CNTLN: variants seen among roughly 807,000 people sequenced by gnomAD.
CNTLN encodes the protein centlein, centrosomal protein.
Under a neutral mutation model 180.0 loss-of-function variants are expected in CNTLN, and 212 were observed. That is an observed-to-expected ratio of 1.18 (90% CI 1.05 to 1.32). CNTLN has a LOEUF of 1.32. Ranked by LOEUF, CNTLN falls within the 40% of genes most tolerant of loss-of-function variation. The probability of loss-of-function intolerance (pLI) is 0.00; values close to 1 mark genes in which losing one functional copy is unlikely to be tolerated. For synonymous variants in CNTLN, 722 were observed against 563.1 expected, an observed-to-expected ratio of 1.28 and a Z score of -3.99; for missense variants, 2,095 against 1,610.9, an observed-to-expected ratio of 1.30 and a Z score of -5.14.
chr9:17,228,839 CA>C (rs1824639020), intron 3 of CNTLN, among the ~76,000 whole-genome samples: 4 of 152,000 alleles, frequency 2.6e-5, no homozygotes, highest in African/African-American at 9.7e-5. Flanking sequence ...TTAGAGAAAC[CA>C]GGAGAACAGT....
chr9:17,342,002 G>T (rs960177836), intron 11 of CNTLN, among the ~76,000 whole-genome samples: 1 of 152,086 alleles, frequency 6.6e-6, no homozygotes, highest in African/African-American at 2.4e-5. Flanking sequence ...GTTGCATATA[G>T]ATTTTTTTGT....
At chr9:17,144,809 A>G (rs918685708) in intron 2 of CNTLN, among the ~76,000 whole-genome samples, 1 of 150,708 alleles carries the variant, frequency 6.6e-6, no homozygotes, top group African/African-American at 2.4e-5. Context: ...TGGAGAATTT[A>G]TTTATTTATT....
downstream of CNTLN, among the ~76,000 whole-genome samples, chr9:17,505,317 C>G (rs1833913039): frequency 1.3e-5 from 2 of 151,976 alleles, no homozygotes; most frequent in South Asian, 2.1e-4. Flanking sequence ...GTGGGAAATT[C>G]TAGCCAGCCT....
the CNTLN span, among the ~76,000 whole-genome samples, chr9:17,526,049 C>G: frequency 6.6e-6 from 1 of 152,174 alleles, no homozygotes; most frequent in Non-Finnish European, 1.5e-5. Context: ...CATTCTCCTG[C>G]CTCAGCCTCC....
chr9:17,252,601 GTTCT>G (rs1379377645), intron 5 of CNTLN, among the ~76,000 whole-genome samples: 6 of 151,654 alleles, frequency 4.0e-5, no homozygotes, highest in African/African-American at 9.6e-5. Flanking sequence ...AAACTGTTGA[GTTCT>G]TTGAGTTCCT....
intron 1 of CNTLN, among the ~76,000 whole-genome samples, chr9:17,139,343 C>T (rs1032799071): frequency 6.6e-6 from 1 of 152,054 alleles, no homozygotes; most frequent in African/African-American, 2.4e-5. Context: ...GCCTTGGCCT[C>T]CCAAAGTGCT....
At chr9:17,290,596 C>G (rs1829314969) in intron 6 of CNTLN, among the ~76,000 whole-genome samples, 2 of 141,060 alleles carry the variant, frequency 1.4e-5, no homozygotes, top group Admixed American at 7.1e-5. Flanking sequence ...TGGCGGGCGC[C>G]CCTCCCCCAG....
At chr9:17,484,123 T>C (rs1050800914) in intron 23 of CNTLN, among the ~76,000 whole-genome samples, 172 bp from the exon 24 acceptor site, 25 of 152,176 alleles carry the variant, frequency 1.6e-4, no homozygotes, top group African/African-American at 6.0e-4. Context: ...AGAGAACTTT[T>C]ATTGCGTGCT....
intron 7 of CNTLN, among the ~76,000 whole-genome samples, chr9:17,302,852 G>A (rs1019760175): frequency 1.3e-5 from 2 of 152,178 alleles, no homozygotes; most frequent in African/African-American, 4.8e-5. Context: ...TATAAAGACA[G>A]AATGTAAAAT....
chr9:17,202,550 A>G (rs575774101), intron 2 of CNTLN, among the ~76,000 whole-genome samples: 8 of 150,176 alleles, frequency 5.3e-5, no homozygotes, highest in African/African-American at 1.7e-4. Context: ...CTCTTGTTGC[A>G]TTGATCCCTT....
intron 18 of CNTLN, among the ~76,000 whole-genome samples, chr9:17,445,903 T>C (rs906162179): frequency 1.3e-5 from 2 of 149,678 alleles, no homozygotes; most frequent in Non-Finnish European, 2.9e-5. Context: ...TAAAACCCGA[T>C]TGTATGCTCC....
At chr9:17,342,603 T>C (rs1289205581) in intron 12 of CNTLN, among the ~76,000 whole-genome samples, 159 bp downstream of exon 12, 1 of 152,172 alleles carries the variant, frequency 6.6e-6, no homozygotes, top group African/African-American at 2.4e-5. Context: ...AAAATATATA[T>C]ATGTATTATG....
chr9:17,464,532 G>T lies in CNTLN; in HGVS notation c.3440G>T (p.Arg1147Ile). 6.5e-7 allele frequency: 1 copy of T among 1,528,226 alleles called. No homozygotes were observed. Among genetic ancestry groups the T allele is most frequent in the Non-Finnish European group, 8.7e-7 (1 of 1,146,462 alleles). The allele number at this position is 1,528,226 out of a possible 1,614,324, so 94.7% of individuals were successfully genotyped here. The change falls in exon 21 of 26, where the codon AGA becomes ATA. Residue 1147 changes from arginine to isoleucine, a missense_variant. Arg to Ile is a moderately conservative substitution (Grantham distance 97). Transcript: ENST00000380647. Reference protein sequence around the residue: ...SRMERDITMKRHLIEDLKFRQ... With the variant: ...SRMERDITMKIHLIEDLKFRQ... The stretch of plus-strand genomic sequence containing the variant: ...ATGGAGAGGGATATAACTATGAAAA[G>T]ACATTTGATAGAGGACTTGAAATTT...
intron 13 of CNTLN, among the ~76,000 whole-genome samples, chr9:17,378,467 C>T (rs1824963658): frequency 1.3e-5 from 2 of 152,160 alleles, no homozygotes; most frequent in African/African-American, 2.4e-5. Flanking sequence ...GTGGGAGCCA[C>T]CGCACCCGGC....
chr9:17,140,267 A>C (rs941582256), intron 1 of CNTLN, among the ~76,000 whole-genome samples: 11 of 152,200 alleles, frequency 7.2e-5, no homozygotes, highest in African/African-American at 2.7e-4. Context: ...TCCACAATCC[A>C]TTTGTAACAT....
rs553260554 is a variant in CNTLN at position 17,173,346 on chromosome 9, A to T, written c.449+29970A>T. ...AGACAGATTTGTCCTTTAACATAATAACTTTATGAAATACATGTGCGTATG... is the reference window on the plus strand; with the variant it reads ...AGACAGATTTGTCCTTTAACATAATTACTTTATGAAATACATGTGCGTATG... On this transcript the variant is annotated intron_variant, in intron 2 of 25. Coordinates refer to ENST00000380647, the MANE Select transcript of CNTLN (RefSeq NM_017738.4). 3.9e-5 allele frequency among the ~76,000 whole-genome samples: 6 copies of T among 152,334 alleles called. No homozygotes were observed. The South Asian group carries it at 1.0e-3, about 26-fold the overall frequency.
chr9:17,323,254 A>G (rs1315671152), intron 8 of CNTLN, among the ~76,000 whole-genome samples: 1 of 152,182 alleles, frequency 6.6e-6, no homozygotes, highest in Non-Finnish European at 1.5e-5. Flanking sequence ...GCAATTTGCA[A>G]CCCAAAGGTA....
chr9:17,211,857 G>C (rs1428093895), intron 2 of CNTLN, among the ~76,000 whole-genome samples: 1 of 152,066 alleles, frequency 6.6e-6, no homozygotes, highest in Non-Finnish European at 1.5e-5. Flanking sequence ...CTCTCTGTTT[G>C]TCTGTTGTTG....
At chr9:17,513,761 G>A in the CNTLN span, among the ~76,000 whole-genome samples, 2 of 151,650 alleles carry the variant, frequency 1.3e-5, no homozygotes. Context: ...TAGGAGGAAA[G>A]AATTCATAAA....
Sources: allele counts gnomAD v4.1 joint callset (sites outside exome capture counted in the v4.1 genomes callset), GRCh38; gene constraint gnomAD v4.1.1; transcripts MANE v1.5; gene names NCBI Gene and HGNC (gene_info 2026-07-23, HGNC 2026-07-21).